Variants in NUP133 observed in about 807,000 individuals in gnomAD.
NUP133 encodes the protein nuclear pore complex protein Nup133.
Under a neutral mutation model 146.2 loss-of-function variants are expected in NUP133, and 66 were observed. That is an observed-to-expected ratio of 0.45 (90% CI 0.37 to 0.55). NUP133 has a LOEUF of 0.55. NUP133 is among the 20% of genes least tolerant of loss of function. The pLI is 0.00. For synonymous variants in NUP133, 521 were observed against 498.8 expected (o/e 1.04, Z -0.59); for missense variants, 1,277 against 1,374.8 (o/e 0.93, Z 1.12).
At chr1:229,463,856 C>T (rs1311758740) in intron 18 of NUP133, among the ~76,000 whole-genome samples, 180 bp from the exon 19 acceptor site, 1 of 152,058 alleles carries the variant, frequency 6.6e-6, no homozygotes, top group Non-Finnish European at 1.5e-5. Context: ...CTTAAAGATG[C>T]AAATTCAGGC....
chr1:229,449,873 A>ATATATTT (rs1261799272), intron 23 of NUP133, among the ~76,000 whole-genome samples: 1 of 85,798 alleles, frequency 1.2e-5, no homozygotes, highest in African/African-American at 5.1e-5. Context: ...ATATATATAT[A>ATATATTT]TTTTTTTTTT....
intron 19 of NUP133, among the ~76,000 whole-genome samples, chr1:229,461,546 G>A (rs1323538404): frequency 6.6e-6 from 1 of 152,140 alleles, no homozygotes; most frequent in Admixed American, 6.5e-5. Flanking sequence ...AGAGAAAAAG[G>A]AAAATCCACG....
At chr1:229,490,451 G>A (rs1369829271) in intron 8 of NUP133, among the ~76,000 whole-genome samples, 1 of 150,982 alleles carries the variant, frequency 6.6e-6, no homozygotes, top group Non-Finnish European at 1.5e-5. Context: ...ATTATGCTAA[G>A]TGACAGAAAC....
intron 12 of NUP133, among the ~76,000 whole-genome samples, chr1:229,480,741 C>A (rs572608655): frequency 1.3e-5 from 2 of 152,112 alleles, no homozygotes; most frequent in East Asian, 1.9e-4. Flanking sequence ...CGCTGGAGTG[C>A]GGTGACGGGA....
chr1:229,507,985 G>A (rs1661988858), intron 1 of NUP133, 83 bp downstream of exon 1: 1 of 1,333,374 alleles, frequency 7.5e-7, no homozygotes, highest in South Asian at 2.2e-5. Context: ...CGGTTCCAAA[G>A]GCTTCTAAAG....
chr1:229,454,091 T>C (rs570230342), intron 21 of NUP133, among the ~76,000 whole-genome samples: 1 of 152,194 alleles, frequency 6.6e-6, no homozygotes, highest in Admixed American at 6.5e-5. Flanking sequence ...CATTCGCAAA[T>C]GGAAATGATG....
intron 2 of NUP133, among the ~76,000 whole-genome samples, chr1:229,503,538 A>G (rs1040303195): frequency 1.3e-5 from 2 of 152,236 alleles, no homozygotes; most frequent in African/African-American, 4.8e-5. Context: ...GTAAACCTCC[A>G]CAAATGTGTT....
At chr1:229,453,884 A>G (rs1660508956) in intron 21 of NUP133, among the ~76,000 whole-genome samples, 1 of 151,674 alleles carries the variant, frequency 6.6e-6, no homozygotes, top group South Asian at 2.1e-4. Flanking sequence ...AATAGACTAC[A>G]TATGTTTTAT....
chr1:229,473,145 G>T (rs1388505739), intron 14 of NUP133, among the ~76,000 whole-genome samples: 1 of 151,912 alleles, frequency 6.6e-6, no homozygotes, highest in Non-Finnish European at 1.5e-5. Flanking sequence ...CCATCTATTG[G>T]GGAGGCAGTG....
intron 12 of NUP133, among the ~76,000 whole-genome samples, chr1:229,479,852 T>A (rs1413145865): frequency 6.6e-6 from 1 of 152,144 alleles, no homozygotes; most frequent in East Asian, 1.9e-4. Flanking sequence ...AATGTAGACA[T>A]CCTTTCAGGT....
intron 9 of NUP133, among the ~76,000 whole-genome samples, chr1:229,487,838 A>ATTTTTT (rs10565327): frequency 8.5e-6 from 1 of 118,154 alleles, no homozygotes; most frequent in South Asian, 2.6e-4. Context: ...TGCTTTTTTA[A>ATTTTTT]TTTTTTTTTT....
chr1:229,490,929 C>A (rs1248255818), intron 8 of NUP133, among the ~76,000 whole-genome samples: 1 of 145,888 alleles, frequency 6.9e-6, no homozygotes, highest in South Asian at 2.2e-4. Flanking sequence ...CCAGCCTGGG[C>A]GATAGAGTGA....
At chr1:229,444,830 G>C in intron 25 of NUP133, 84 bp downstream of exon 25, 4 of 862,332 alleles carry the variant, frequency 4.6e-6, no homozygotes, top group East Asian at 2.5e-5. Flanking sequence ...CTGAGTGACA[G>C]AGCAAGACTC....
chr1:229,469,004 A>C (rs1397656219), intron 15 of NUP133, among the ~76,000 whole-genome samples: 1 of 152,232 alleles, frequency 6.6e-6, no homozygotes, highest in East Asian at 1.9e-4. Context: ...ATAGTACATC[A>C]AACTTAGGTT....
At chr1:229,499,544 T>G (rs1558108654) in intron 5 of NUP133, 140 bp downstream of exon 5, 1 of 830,118 alleles carries the variant, frequency 1.2e-6, no homozygotes. Context: ...AAAGCAGGAG[T>G]TATTGCTTGA....
At chr1:229,450,004 A>G (rs1279645225) in intron 23 of NUP133, among the ~76,000 whole-genome samples, 1 of 149,800 alleles carries the variant, frequency 6.7e-6, no homozygotes, top group Non-Finnish European at 1.5e-5. Context: ...CAGCCTCCCA[A>G]GTAGCTGGGA....
chr1:229,464,575 T>G, intron 18 of NUP133, 49 bp downstream of exon 18: 11 of 1,594,212 alleles, frequency 6.9e-6, no homozygotes, highest in Non-Finnish European at 9.4e-6. Flanking sequence ...ATTCAACCCT[T>G]TCATCCATTC....
intron 11 of NUP133, among the ~76,000 whole-genome samples, chr1:229,484,834 A>C (rs966410322): frequency 1.3e-5 from 2 of 152,194 alleles, no homozygotes; most frequent in African/African-American, 4.8e-5. Context: ...TACAAAATAC[A>C]AGGTATTTTG....
In NUP133 at chr1:229,452,602, G is replaced by A. The variant is rs913157076; in HGVS notation, c.3022C>T (p.Leu1008=). The A allele has an allele frequency of 1.2e-6, 2 of 1,613,566 alleles. No individual in the cohort carries two copies. Among genetic ancestry groups the A allele is most frequent in the Admixed American group, 3.3e-5 (2 of 59,996 alleles). ...TTCTCCGCCAGCAGCTGTTCAGGTA[G>A]GGTCTCCTGATGCAGTAGAAAGCGC... is the stretch of plus-strand genomic sequence containing the variant. ...QERFLLHQET[L]PEQLLAEKQL... is the part of the protein sequence containing the mutation. The change falls in exon 22 of 26, where the codon CTA becomes TTA. Residue 1008 remains leucine, a synonymous_variant. Transcript: ENST00000261396.
Sources: allele counts gnomAD v4.1 joint callset (sites outside exome capture counted in the v4.1 genomes callset), GRCh38; gene constraint gnomAD v4.1.1; transcripts MANE v1.5; gene names NCBI Gene and HGNC (gene_info 2026-07-23, HGNC 2026-07-21).